CMPK1: variants seen among roughly 807,000 people sequenced by gnomAD.
CMPK1 encodes the protein UMP-CMP kinase.
CMPK1 carries 10 observed loss-of-function variants against 25.7 expected under a neutral mutation model. The observed-to-expected ratio is 0.39, with a 90% CI of 0.24 to 0.66. The LOEUF is 0.66. CMPK1 is among the 30% of genes least tolerant of loss of function. The pLI is 0.48. For missense variants in CMPK1, 199 were observed against 280.5 expected, an observed-to-expected ratio of 0.71 and a Z score of 2.08; for synonymous variants, 106 against 101.5, an observed-to-expected ratio of 1.04 and a Z score of -0.27.
At position 47,376,838 on chromosome 1, in the gene CMPK1, T is replaced by C; in HGVS notation, c.*93T>C. 2.9e-6 allele frequency: 2 copies of C among 685,990 alleles called. No homozygotes were observed. Among genetic ancestry groups the C allele is most frequent in the South Asian group, 3.7e-5 (2 of 54,126 alleles). The allele number at this position is 685,990 out of a possible 1,614,324, so 42.5% of individuals were successfully genotyped here. A position where few individuals can be genotyped will look rare whatever the true frequency, so the allele number is the denominator to read the frequency against. Reference sequence around the variant, plus strand: ...TTTTTAAGGCAATTCTAATCTTTCATAACTACATCTCAATTAGTGGCTGGA... The same window carrying C: ...TTTTTAAGGCAATTCTAATCTTTCACAACTACATCTCAATTAGTGGCTGGA... On this transcript the variant is annotated 3_prime_UTR_variant, in exon 6 of 6. Transcript: ENST00000371873.
In CMPK1 at chr1:47,333,954, C is replaced by A. The variant is rs549528418; in HGVS notation, c.9C>A (p.Ser3Arg). The A allele has an allele frequency of 6.8e-7, 1 of 1,481,248 alleles. No homozygotes were observed. The highest frequency in any genetic ancestry group is 9.0e-7 in the Non-Finnish European group (1 of 1,108,044). 91.8% of individuals were successfully genotyped at this position (1,481,248 alleles called of 1,614,324 possible). ML[S>R]RCRSGLLHVL... ...CGGCCGAGGCGCGGTGTATGCTGAG[C>A]CGCTGCCGCAGCGGGCTGCTCCACG... The change falls in exon 1 of 6, where the codon AGC becomes AGA. Residue 3 changes from serine (S) to arginine (R), a missense_variant. Ser to Arg is a moderately radical substitution (Grantham distance 110). This residue lies in a region of CMPK1 where 59 missense variants were observed against 45.1 expected (regional missense o/e 1.31). Coordinates refer to ENST00000371873, the MANE Select transcript of CMPK1 (RefSeq NM_016308.3).
At chr1:47,362,870 A>G (rs944120064) in intron 1 of CMPK1, among the ~76,000 whole-genome samples, 1 of 152,154 alleles carries the variant, frequency 6.6e-6, no homozygotes, top group Non-Finnish European at 1.5e-5. Context: ...GCTTTCTCCC[A>G]CTAGATATTT....
Position 47,378,824 on chromosome 1 carries a change from G to T in CMPK1, c.*2079G>T, listed in dbSNP as rs1238788243. ...AGTAAATAATCTCAATAAATTTTGT[G>T]CTGTGGCCTTTGCTATTTGTTGGTT... On this transcript the variant is annotated 3_prime_UTR_variant, in exon 6 of 6. Transcript: ENST00000371873. The T allele has an allele frequency of 3.3e-5, 5 of 152,154 alleles. No individual in the cohort carries two copies. Among genetic ancestry groups the T allele is most frequent in the Admixed American group, 6.5e-5 (1 of 15,278 alleles). The allele number at this position is 152,154 out of a possible 1,614,324, so 9.4% of individuals were successfully genotyped here.
intron 1 of CMPK1, among the ~76,000 whole-genome samples, chr1:47,342,642 CTTTT>C (rs1421702982): frequency 1.7e-5 from 2 of 118,464 alleles, no homozygotes; most frequent in East Asian, 4.2e-4. Flanking sequence ...TCCTTTTTCT[CTTTT>C]TTCTTTTTTT....
intron 1 of CMPK1, among the ~76,000 whole-genome samples, chr1:47,348,992 G>C (rs1369841091): frequency 1.3e-5 from 2 of 152,116 alleles, no homozygotes; most frequent in African/African-American, 4.8e-5. Flanking sequence ...TGAAGGGCAA[G>C]GGAAGTGAAA....
intron 1 of CMPK1, among the ~76,000 whole-genome samples, chr1:47,341,263 TA>T (rs1265447859): frequency 3.0e-4 from 45 of 152,354 alleles, no homozygotes; most frequent in African/African-American, 1.0e-3. Context: ...CAAATATTTA[TA>T]TTTTTTACCT....
intron 1 of CMPK1, among the ~76,000 whole-genome samples, chr1:47,351,811 T>C (rs1249493395): frequency 1.3e-5 from 2 of 149,950 alleles, no homozygotes; most frequent in South Asian, 4.3e-4. Context: ...GGGTTTTTTG[T>C]TTTTTTTTCT....
At chr1:47,335,277 A>G (rs899050752) in intron 1 of CMPK1, among the ~76,000 whole-genome samples, 5 of 152,158 alleles carry the variant, frequency 3.3e-5, no homozygotes, top group African/African-American at 1.2e-4. Flanking sequence ...TTTATTCCCT[A>G]AATAGCATCC....
intron 1 of CMPK1, among the ~76,000 whole-genome samples, chr1:47,354,572 A>G (rs957866251): frequency 1.3e-5 from 2 of 150,004 alleles, no homozygotes; most frequent in African/African-American, 2.5e-5. Context: ...ATGCACATAC[A>G]CATAGTGCTT....
intron 1 of CMPK1, among the ~76,000 whole-genome samples, chr1:47,364,413 G>T (rs1276488028): frequency 6.6e-6 from 1 of 151,392 alleles, no homozygotes; most frequent in Admixed American, 6.6e-5. Flanking sequence ...CGCCTCCCGG[G>T]TTCACGCCAT....
At position 47,340,744 on chromosome 1, in the gene CMPK1, T is replaced by C. The variant is rs184986580; in HGVS notation, c.171+6628T>C. Among the ~76,000 whole-genome samples, 33 of 152,192 alleles carry C rather than the reference T, an allele frequency of 2.2e-4. 5 individuals carry two copies. Among genetic ancestry groups the C allele is most frequent in the African/African-American group, 7.7e-4 (32 of 41,520 alleles). On this transcript the variant is annotated intron_variant, in intron 1 of 5. Coordinates refer to ENST00000371873, the MANE Select transcript of CMPK1 (RefSeq NM_016308.3). ...CCTCTGCCTCCTGGGTTCAAGCGAT[T>C]CTCCTGCCTCAGCCTCCTGAGTAGT...
At chr1:47,376,605 C>T (rs1049131735) in intron 5 of CMPK1, 99 bp from the exon 6 acceptor site, 13 of 700,726 alleles carry the variant, frequency 1.9e-5, no homozygotes, top group African/African-American at 3.6e-5. Context: ...TGTGAGCCAC[C>T]GCGCCCCGCC....
chr1:47,357,771 C>A (rs139305606), intron 1 of CMPK1, among the ~76,000 whole-genome samples: 149 of 152,128 alleles, frequency 9.8e-4, no homozygotes, highest in African/African-American at 3.3e-3. Context: ...AGATGTGAGC[C>A]ACTGCACCGG....
chr1:47,368,962 A>T (rs954060130), intron 2 of CMPK1, among the ~76,000 whole-genome samples: 1 of 152,104 alleles, frequency 6.6e-6, no homozygotes, highest in Non-Finnish European at 1.5e-5. Flanking sequence ...ATAATAATAA[A>T]AATAAATCCA....
intron 1 of CMPK1, among the ~76,000 whole-genome samples, chr1:47,350,190 C>T (rs1206611375): frequency 1.3e-5 from 2 of 152,056 alleles, no homozygotes; most frequent in African/African-American, 2.4e-5. Context: ...CTGCCTGCCT[C>T]AGCCTCCCAA....
At chr1:47,367,976 G>C (rs1023487432) in intron 1 of CMPK1, among the ~76,000 whole-genome samples, 8 of 152,026 alleles carry the variant, frequency 5.3e-5, no homozygotes, top group African/African-American at 1.7e-4. Context: ...ATTTGAGATG[G>C]AGTCTCGCTG....
intron 1 of CMPK1, among the ~76,000 whole-genome samples, chr1:47,341,642 A>T (rs1202233745): frequency 2.0e-5 from 3 of 151,656 alleles, no homozygotes; most frequent in Admixed American, 1.3e-4. Context: ...ATTTTTTATT[A>T]TTTATTTATT....
At chr1:47,339,203 G>A (rs1356956604) in intron 1 of CMPK1, among the ~76,000 whole-genome samples, 10 of 152,038 alleles carry the variant, frequency 6.6e-5, no homozygotes, top group Non-Finnish European at 1.5e-4. Context: ...ATGCCACCAT[G>A]AATGCCATGT....
intron 1 of CMPK1, among the ~76,000 whole-genome samples, chr1:47,345,786 C>T (rs1217360368): frequency 6.6e-6 from 1 of 150,376 alleles, no homozygotes; most frequent in Admixed American, 6.6e-5. Flanking sequence ...ATGGAGTTTC[C>T]CTCTTGTTGT....
Sources: allele counts gnomAD v4.1 joint callset (sites outside exome capture counted in the v4.1 genomes callset), GRCh38; gene constraint gnomAD v4.1.1; regional missense constraint gnomAD v4.1.1; transcripts MANE v1.5; gene names NCBI Gene and HGNC (gene_info 2026-07-23, HGNC 2026-07-21).